Variants in DNAI2 observed in about 807,000 individuals in gnomAD.
DNAI2 encodes the protein dynein axonemal intermediate chain 2.
DNAI2 carries 63 observed loss-of-function variants against 74.7 expected under a neutral mutation model. That is an observed-to-expected ratio of 0.84 (90% CI 0.69 to 1.04). DNAI2 has a LOEUF of 1.04. Among genes scored for constraint, DNAI2 ranks in the 50% least tolerant of loss-of-function variants. DNAI2 has a pLI of 0.00. For synonymous variants in DNAI2, 289 were observed against 314.9 expected (o/e 0.92, Z 0.87); for missense variants, 688 against 803.2 (o/e 0.86, Z 1.73).
Position 74,291,092 on chromosome 17 carries a change from A to G in DNAI2, c.683A>G (p.Asp228Gly), listed in dbSNP as rs1439015570. 6.2e-7 allele frequency: 1 copy of G among 1,614,178 alleles called. No individual in the cohort carries two copies. Among genetic ancestry groups the G allele is most frequent in the Non-Finnish European group, 8.5e-7 (1 of 1,180,032 alleles). ...PLVTLEFNPK[D>G]SHVLLGGCYN... ...GTGACGTTGGAGTTCAACCCCAAAG[A>G]TTCCCACGTACTCCTGGGTGGCTGC... Residue 228 changes from aspartate to glycine, a missense_variant, in exon 6 of 14, where the codon GAT becomes GGT. Coordinates refer to ENST00000311014, the MANE Select transcript of DNAI2 (RefSeq NM_023036.6).
chr17:74,284,768 C>T (rs1286177477), intron 2 of DNAI2, among the ~76,000 whole-genome samples: 1 of 152,210 alleles, frequency 6.6e-6, no homozygotes, highest in Non-Finnish European at 1.5e-5. Context: ...TTCTCTGGTC[C>T]ATTAGAATTC....
intron 2 of DNAI2, among the ~76,000 whole-genome samples, chr17:74,282,449 C>T (rs2051451002): frequency 6.6e-6 from 1 of 152,072 alleles, no homozygotes; most frequent in Middle Eastern, 3.2e-3. Flanking sequence ...TACAGGTGTG[C>T]ACCACCACGC....
At chr17:74,280,129 C>G (rs1337681646) in intron 1 of DNAI2, among the ~76,000 whole-genome samples, 1 of 152,188 alleles carries the variant, frequency 6.6e-6, no homozygotes, top group Non-Finnish European at 1.5e-5. Context: ...AGCCCTCAGA[C>G]CCAGTGGAGT....
At chr17:74,293,035 G>C (rs12453118) in intron 6 of DNAI2, among the ~76,000 whole-genome samples, 1 of 151,190 alleles carries the variant, frequency 6.6e-6, no homozygotes, top group Admixed American at 6.6e-5. Context: ...GGGTTTCACC[G>C]TGTTAGCCAG....
intron 9 of DNAI2, among the ~76,000 whole-genome samples, chr17:74,308,293 A>C (rs1204936598): frequency 6.6e-6 from 1 of 152,188 alleles, no homozygotes; most frequent in Non-Finnish European, 1.5e-5. Context: ...CCCTTTTAAA[A>C]AAATGTTCCG....
intron 1 of DNAI2, among the ~76,000 whole-genome samples, chr17:74,280,449 C>T (rs1033597900): frequency 4.6e-5 from 7 of 152,192 alleles, no homozygotes; most frequent in African/African-American, 1.2e-4. Flanking sequence ...ACCAGTAGCA[C>T]GCGTCAGAGG....
At chr17:74,284,349 A>G (rs138636168) in intron 2 of DNAI2, among the ~76,000 whole-genome samples, 1 of 152,188 alleles carries the variant, frequency 6.6e-6, no homozygotes, top group Non-Finnish European at 1.5e-5. Context: ...TGACACTGAC[A>G]TTGTCAGTGA....
intron 9 of DNAI2, among the ~76,000 whole-genome samples, chr17:74,306,946 C>A (rs144730142): frequency 1.6e-3 from 240 of 152,286 alleles, no homozygotes; most frequent in Admixed American, 3.2e-3. Context: ...AATCCAGATT[C>A]TCAGCCCCAA....
chr17:74,287,120 T>C, intron 4 of DNAI2, 22 bp downstream of exon 4: 1 of 1,613,048 alleles, frequency 6.2e-7, no homozygotes. Context: ...GCCAGGCAGG[T>C]GTCTGGCCAC....
In DNAI2 at chr17:74,287,090, T is replaced by A; in HGVS notation, c.459T>A (p.Asn153Lys). 3 of 1,613,762 alleles carry A rather than the reference T, an allele frequency of 1.9e-6. No homozygotes were observed. Among genetic ancestry groups the A allele is most frequent in the Non-Finnish European group, 1.7e-6 (2 of 1,179,802 alleles). The change falls in exon 4 of 14, where the codon AAT becomes AAA. Residue 153 changes from asparagine (N) to lysine (K), a missense_variant. Coordinates refer to ENST00000311014, the MANE Select transcript of DNAI2 (RefSeq NM_023036.6). Reference protein sequence around the residue: ...MEEDPSAKTINVFRDPQEIKR... With the variant: ...MEEDPSAKTIKVFRDPQEIKR... ...AGGACCCTTCAGCTAAAACCATCAA[T>A]GTGTTCAGGTAGCGCCATAGCCAGG...
At chr17:74,313,349 T>C (rs965852706) in intron 12 of DNAI2, among the ~76,000 whole-genome samples, 1 of 152,156 alleles carries the variant, frequency 6.6e-6, no homozygotes, top group African/African-American at 2.4e-5. Context: ...TACTTGGTTA[T>C]GAGATGTTTT....
chr17:74,296,490 G>A (rs889122549), intron 6 of DNAI2, among the ~76,000 whole-genome samples: 2 of 152,070 alleles, frequency 1.3e-5, no homozygotes, highest in African/African-American at 2.4e-5. Flanking sequence ...GCCTCCCAAA[G>A]TACAGGCGTG....
chr17:74,286,944 T>G (rs1430138444), intron 3 of DNAI2, 33 bp from the exon 4 acceptor site: 1 of 1,613,472 alleles, frequency 6.2e-7, no homozygotes, highest in Admixed American at 1.7e-5. Context: ...GACCTCCATT[T>G]ACTGCGGAGA....
At chr17:74,293,843 G>T (rs1279690949) in intron 6 of DNAI2, among the ~76,000 whole-genome samples, 1 of 151,704 alleles carries the variant, frequency 6.6e-6, no homozygotes, top group African/African-American at 2.4e-5. Flanking sequence ...GAGTGCAGTG[G>T]CGTGATCTCG....
rs1429287676 is a variant in DNAI2 at position 74,311,988 on chromosome 17, T to C, written c.1495-15T>C. 6 of 1,610,932 alleles carry C rather than the reference T, an allele frequency of 3.7e-6. No homozygotes were observed. Among genetic ancestry groups the C allele is most frequent in the Non-Finnish European group, 4.2e-6 (5 of 1,179,640 alleles). On this transcript the variant is annotated splice_polypyrimidine_tract_variant and intron_variant, in intron 11 of 13. Transcript: ENST00000311014. ...CCCTCTCCCCACCGGGCTCTCTCTG[T>C]CCCTGGGTGCCCAGATGTTTGAGCG...
In DNAI2 at chr17:74,281,163, G is replaced by A. The variant is rs140040744; in HGVS notation, c.-11-644G>A. Among the ~76,000 whole-genome samples, 385 of 151,802 alleles carry A rather than the reference G, an allele frequency of 2.5e-3. 2 individuals are homozygous for A. Among genetic ancestry groups the A allele is most frequent in the African/African-American group, 8.5e-3 (353 of 41,328 alleles). On this transcript the variant is annotated intron_variant, in intron 1 of 13. Transcript: ENST00000311014. ...TTTGGTGGGTAAGAGCTTTGGAATG[G>A]GGGCAGACCAGCTGCAGCATGCATT... is the stretch of plus-strand genomic sequence containing the variant.
intron 5 of DNAI2, among the ~76,000 whole-genome samples, chr17:74,290,362 A>C (rs529350025): frequency 4.5e-4 from 68 of 152,300 alleles, no homozygotes; most frequent in Admixed American, 1.4e-3. Context: ...GAAGGGACTC[A>C]AGGGGCGGCG....
chr17:74,304,124 G>GAAAT (rs1425982403), intron 8 of DNAI2, among the ~76,000 whole-genome samples: 2 of 149,112 alleles, frequency 1.3e-5, no homozygotes, highest in Non-Finnish European at 3.0e-5. Flanking sequence ...CCTGTCTCGA[G>GAAAT]AAATAAATAA....
At chr17:74,286,920 G>A in intron 3 of DNAI2, 57 bp from the exon 4 acceptor site, 1 of 1,612,236 alleles carries the variant, frequency 6.2e-7, no homozygotes, top group Non-Finnish European at 8.5e-7. Flanking sequence ...TTGCAGGCCT[G>A]GGCAATCTGA....
Sources: allele counts gnomAD v4.1 joint callset (sites outside exome capture counted in the v4.1 genomes callset), GRCh38; gene constraint gnomAD v4.1.1; transcripts MANE v1.5; gene names NCBI Gene and HGNC (gene_info 2026-07-23, HGNC 2026-07-21).